Variants in CDH13 observed in about 807,000 individuals in gnomAD.
The protein encoded by CDH13 is cadherin 13.
A neutral mutation model predicts 63.8 loss-of-function variants in CDH13; 24 were observed. The observed-to-expected ratio is 0.38, with a 90% confidence interval of 0.27 to 0.53. CDH13 has a LOEUF of 0.53. Among genes scored for constraint, CDH13 ranks in the 20% least tolerant of loss-of-function variants. The pLI is 0.85. For missense variants in CDH13, 1,049 were observed against 903.1 expected, an observed-to-expected ratio of 1.16 and a Z score of -2.07; for synonymous variants, 503 against 355.3, an observed-to-expected ratio of 1.42 and a Z score of -4.67.
chr16:82,634,348 C>T (rs1322967546), intron 1 of CDH13, among the ~76,000 whole-genome samples: 4 of 152,228 alleles, frequency 2.6e-5, no homozygotes, highest in Admixed American at 2.0e-4. Flanking sequence ...TGGCTGCAGA[C>T]ACCTGAAGCT....
chr16:83,181,379 T>G (rs749916068), intron 4 of CDH13, among the ~76,000 whole-genome samples: 4 of 152,194 alleles, frequency 2.6e-5, no homozygotes, highest in Non-Finnish European at 1.5e-5. Flanking sequence ...GCTAACAAGC[T>G]GTGGGTGGCT....
intron 6 of CDH13, among the ~76,000 whole-genome samples, chr16:83,433,867 T>G (rs2072203878): frequency 6.6e-6 from 1 of 152,178 alleles, no homozygotes; most frequent in South Asian, 2.1e-4. Context: ...TTTTTTTTCC[T>G]CAGTGCAAAG....
intron 6 of CDH13, among the ~76,000 whole-genome samples, chr16:83,381,466 C>T (rs560337528): frequency 1.3e-5 from 2 of 152,204 alleles, no homozygotes; most frequent in South Asian, 2.1e-4. Flanking sequence ...GCACCGAGAT[C>T]GCATCAGCAA....
At chr16:83,262,257 G>C (rs532005047) in intron 5 of CDH13, among the ~76,000 whole-genome samples, 4 of 152,252 alleles carry the variant, frequency 2.6e-5, no homozygotes, top group East Asian at 1.9e-4. Flanking sequence ...CAGACCACAT[G>C]GGGTAATGGG....
At chr16:82,894,017 T>TG (rs138368217) in intron 2 of CDH13, among the ~76,000 whole-genome samples, 11,000 of 152,308 alleles carry the variant, frequency 0.072, 544 homozygotes, top group Middle Eastern at 0.17. Flanking sequence ...TTATTTATTT[T>TG]TTTACTTCCT....
At chr16:83,332,720 C>T (rs368264767) in intron 5 of CDH13, among the ~76,000 whole-genome samples, 2 of 152,048 alleles carry the variant, frequency 1.3e-5, no homozygotes, top group African/African-American at 2.4e-5. Context: ...CCTGTGTCAC[C>T]TCTTGAGGCA....
At chr16:83,301,711 C>G (rs2089751082) in intron 5 of CDH13, among the ~76,000 whole-genome samples, 1 of 152,148 alleles carries the variant, frequency 6.6e-6, no homozygotes, top group Non-Finnish European at 1.5e-5. Flanking sequence ...TATACTTGGT[C>G]TCAGGATGCC....
At chr16:83,301,311 G>C (rs1013377218) in intron 5 of CDH13, among the ~76,000 whole-genome samples, 1 of 152,098 alleles carries the variant, frequency 6.6e-6, no homozygotes, top group Non-Finnish European at 1.5e-5. Context: ...GATTACAGGC[G>C]TGAGCCACCG....
intron 10 of CDH13, among the ~76,000 whole-genome samples, chr16:83,733,621 C>G (rs1911254730): frequency 6.6e-6 from 1 of 152,184 alleles, no homozygotes; most frequent in Non-Finnish European, 1.5e-5. Flanking sequence ...GTGGCAATAT[C>G]CATGCTCAGC....
chr16:83,052,801 A>AAAAAAAAAAAAAAAAG (rs1555571697), intron 3 of CDH13, among the ~76,000 whole-genome samples: 1 of 122,658 alleles, frequency 8.2e-6, no homozygotes, highest in African/African-American at 3.3e-5. Flanking sequence ...AAAAAAAAAA[A>AAAAAAAAAAAAAAAAG]AAAGAAAGAA....
intron 11 of CDH13, among the ~76,000 whole-genome samples, chr16:83,748,884 T>G (rs1170967992): frequency 1.3e-5 from 2 of 152,328 alleles, no homozygotes; most frequent in Admixed American, 1.3e-4. Flanking sequence ...TCTCTGCTCC[T>G]TTGAGATCAG....
chr16:82,773,323 A>G (rs1395929101), intron 1 of CDH13: 1 of 152,254 alleles, frequency 6.6e-6, no homozygotes, highest in East Asian at 1.9e-4. Flanking sequence ...TGGCTTGCCC[A>G]TCCCTGGATT....
At chr16:83,266,925 G>A (rs530798044) in intron 5 of CDH13, among the ~76,000 whole-genome samples, 1 of 152,268 alleles carries the variant, frequency 6.6e-6, no homozygotes, top group African/African-American at 2.4e-5. Flanking sequence ...TCTCAGCTGA[G>A]CCCTCAGCCT....
intron 1 of CDH13, among the ~76,000 whole-genome samples, chr16:82,667,506 C>T (rs1313260022): frequency 6.6e-6 from 1 of 152,164 alleles, no homozygotes; most frequent in Non-Finnish European, 1.5e-5. Flanking sequence ...CCTTTCCTTG[C>T]ACCGTAGGAT....
chr16:83,345,121 TCGACTTAATA>T, intron 6 of CDH13, 115 bp downstream of exon 6: 2 of 1,209,790 alleles, frequency 1.7e-6, no homozygotes, highest in South Asian at 3.2e-5. Context: ...CGTATCAGCG[TCGACTTAATA>T]CTTCCCTGCG....
intron 6 of CDH13, among the ~76,000 whole-genome samples, chr16:83,457,105 A>G (rs1290957688): frequency 1.3e-5 from 2 of 152,288 alleles, no homozygotes; most frequent in East Asian, 3.9e-4. Flanking sequence ...ATGGAGTCCA[A>G]GCCAAAACAC....
intron 7 of CDH13, among the ~76,000 whole-genome samples, chr16:83,510,839 C>A (rs1244816916): frequency 6.6e-6 from 1 of 152,220 alleles, no homozygotes; most frequent in Non-Finnish European, 1.5e-5. Context: ...AGAACAGTTA[C>A]ATGTACTAAA....
At chr16:83,317,082 G>T (rs575433093) in intron 5 of CDH13, among the ~76,000 whole-genome samples, 2 of 152,286 alleles carry the variant, frequency 1.3e-5, no homozygotes, top group African/African-American at 2.4e-5. Context: ...TGTTGCTATT[G>T]GTATCCCATG....
At chr16:82,786,750 C>T (rs536210342) in intron 1 of CDH13, among the ~76,000 whole-genome samples, 96 of 150,030 alleles carry the variant, frequency 6.4e-4, no homozygotes, top group African/African-American at 2.1e-3. Context: ...TGAGAACATG[C>T]GGTGTTTGGT....
Sources: gnomAD v4.1 joint callset for allele counts (sites outside exome capture counted in the v4.1 genomes callset) on GRCh38, gnomAD v4.1.1 for gene constraint, MANE v1.5 for transcripts, NCBI Gene and HGNC (gene_info 2026-07-23, HGNC 2026-07-21) for gene names.